CTDP1: variants seen among roughly 807,000 people sequenced by gnomAD.
CTDP1 encodes the protein RNA polymerase II subunit A C-terminal domain phosphatase.
A neutral mutation model predicts 91.8 loss-of-function variants in CTDP1; 47 were observed. The observed-to-expected ratio is 0.51, with a 90% CI of 0.41 to 0.65. CTDP1 has a LOEUF of 0.65. Among genes scored for constraint, CTDP1 ranks in the 30% least tolerant of loss-of-function variants. The pLI, the probability that CTDP1 is intolerant of heterozygous loss-of-function variation, is 0.00. For missense variants in CTDP1, 1,272 were observed against 1,373.7 expected, an observed-to-expected ratio of 0.93 and a Z score of 1.17; for synonymous variants, 656 against 598.5, an observed-to-expected ratio of 1.10 and a Z score of -1.40.
intron 1 of CTDP1, among the ~76,000 whole-genome samples, chr18:79,692,877 G>A (rs2085653550): frequency 6.6e-6 from 1 of 152,378 alleles, no homozygotes; most frequent in South Asian, 2.1e-4. Flanking sequence ...TGGAGACCAG[G>A]GAAGCCTGTT....
intron 11 of CTDP1, among the ~76,000 whole-genome samples, chr18:79,733,272 G>A (rs1003523353): frequency 6.6e-6 from 1 of 151,762 alleles, no homozygotes; most frequent in African/African-American, 2.4e-5. Flanking sequence ...CGCAGCCTCG[G>A]CACAGGACGG....
At chr18:79,686,476 G>T (rs2085496049) in intron 1 of CTDP1, among the ~76,000 whole-genome samples, 2 of 152,226 alleles carry the variant, frequency 1.3e-5, no homozygotes. Context: ...TTTCTTAAAG[G>T]ATAAATGCAC....
Position 79,696,010 on chromosome 18 carries a change from G to T in CTDP1, c.432G>T (p.Pro144=). ...GTAAGAACGGGAAGCAGCAGGTGCC[G>T]CTGTCCACGGCGACCGTGTCCATGG... The part of the protein sequence containing the change: ...LQSKNGKQQV[P]LSTATVSMVH... The change falls in exon 3 of 13, where the codon CCG becomes CCT. Residue 144 remains proline (P), a synonymous_variant. Transcript: ENST00000613122. 1 of 1,612,462 alleles carries T rather than the reference G, an allele frequency of 6.2e-7. No homozygotes were observed. Among genetic ancestry groups the T allele is most frequent in the Non-Finnish European group, 8.5e-7 (1 of 1,180,020 alleles).
At chr18:79,677,840 T>C (rs2085272025), upstream of CTDP1, 1 of 152,274 alleles carries the variant, frequency 6.6e-6, no homozygotes, top group African/African-American at 2.4e-5. Context: ...TTCTTCACCA[T>C]CCAGTGGTCT....
chr18:79,718,070 T>C, intron 10 of CTDP1, 54 bp downstream of exon 10: 1 of 1,595,760 alleles, frequency 6.3e-7, no homozygotes, highest in Non-Finnish European at 8.5e-7. Context: ...TCAAGCTTGC[T>C]GCTCCAGTCT....
In CTDP1 at chr18:79,714,862, A is replaced by G. The variant is rs1265480246; in HGVS notation, c.1402A>G (p.Lys468Glu). 5 of 1,587,028 alleles carry G rather than the reference A, an allele frequency of 3.2e-6. No individual in the cohort carries two copies. In the South Asian group the frequency reaches 4.6e-5, roughly 15 times the overall value. ...GAGCAGCAGTGAGTCCGAGGGCACG[A>G]AGTCCTCCTCCTCCGCCTCTGATGG... Reference protein sequence around the residue: ...SESSSESEGTKSSSSASDGES... With the variant: ...SESSSESEGTESSSSASDGES... The change falls in exon 8 of 13, where the codon AAG becomes GAG. Residue 468 changes from lysine to glutamate, a missense_variant. Physicochemically the swap from Lys to Glu is moderately conservative, Grantham distance 56. This residue lies in a region of CTDP1 where 881 missense variants were observed against 911.6 expected (regional missense o/e 0.97). Transcript: ENST00000613122.
At chr18:79,688,979 A>G (rs542963785) in intron 1 of CTDP1, among the ~76,000 whole-genome samples, 6 of 152,150 alleles carry the variant, frequency 3.9e-5, no homozygotes, top group Non-Finnish European at 8.8e-5. Context: ...GCACACGCAC[A>G]TTTTTCTGGA....
At chr18:79,690,289 G>C (rs1478905951) in intron 1 of CTDP1, among the ~76,000 whole-genome samples, 1 of 152,198 alleles carries the variant, frequency 6.6e-6, no homozygotes. Context: ...TGAGAGGCCA[G>C]AACCCCACAG....
At chr18:79,745,249 C>T (rs184045169) in intron 12 of CTDP1, among the ~76,000 whole-genome samples, 32 of 136,880 alleles carry the variant, frequency 2.3e-4, no homozygotes, top group African/African-American at 7.2e-4. Context: ...CCCTCCCATG[C>T]GCGTTCTGTC....
chr18:79,742,926 C>T (rs533514084), intron 12 of CTDP1, among the ~76,000 whole-genome samples: 24 of 152,262 alleles, frequency 1.6e-4, no homozygotes, highest in African/African-American at 5.5e-4. Context: ...ACTGCACTCC[C>T]GCCTGGGCCA....
At chr18:79,702,125 G>A (rs1451378401) in intron 4 of CTDP1, among the ~76,000 whole-genome samples, 3 of 152,208 alleles carry the variant, frequency 2.0e-5, no homozygotes, top group Admixed American at 2.0e-4. Flanking sequence ...TGGGTAAAAC[G>A]CTGTCAAACA....
At position 79,717,963 on chromosome 18, in the gene CTDP1, G is replaced by T. The variant is rs1310328732; in HGVS notation, c.2364G>T (p.Gly788=). The T allele has an allele frequency of 9.9e-6, 16 of 1,613,366 alleles. No homozygotes were observed. The highest frequency in any genetic ancestry group is 1.3e-5 in the Non-Finnish European group (15 of 1,179,964). ...AGCTCATCAGGACGGGCGCCCGGGGGCCCCCAGCACCCTCCAGCTCCCTAC... is the reference window on the plus strand; with the variant it reads ...AGCTCATCAGGACGGGCGCCCGGGGTCCCCCAGCACCCTCCAGCTCCCTAC... ...TGKLIRTGAR[G]PPAPSSSLPI... The change falls in exon 10 of 13, where the codon GGG becomes GGT. Residue 788 remains glycine, a synonymous_variant. Coordinates refer to ENST00000613122, the MANE Select transcript of CTDP1 (RefSeq NM_004715.5).
chr18:79,682,078 C>A (rs1006172551), intron 1 of CTDP1, among the ~76,000 whole-genome samples: 2 of 152,130 alleles, frequency 1.3e-5, no homozygotes, highest in Non-Finnish European at 2.9e-5. Context: ...CAGTTCTGGT[C>A]GTCTGTTTGG....
chr18:79,727,836 A>G (rs71367530), intron 10 of CTDP1, among the ~76,000 whole-genome samples: 2 of 152,264 alleles, frequency 1.3e-5, no homozygotes, highest in Non-Finnish European at 2.9e-5. Context: ...AGCTAGAAAC[A>G]GCCGCCTCTC....
intron 5 of CTDP1, among the ~76,000 whole-genome samples, chr18:79,706,431 G>A (rs897589126): frequency 6.6e-6 from 1 of 152,200 alleles, no homozygotes; most frequent in African/African-American, 2.4e-5. Context: ...CAGGGACAGT[G>A]ACGCCCACTC....
rs2086119463 is a variant in CTDP1, at chr18:79,713,222, C to T, written c.1030+84C>T. The T allele has an allele frequency of 7.4e-7, 1 of 1,348,056 alleles. No homozygotes were observed. The highest frequency in any genetic ancestry group is 2.5e-5 in the East Asian group (1 of 40,684). 83.5% of individuals were successfully genotyped at this position (1,348,056 alleles called of 1,614,324 possible). A position where few individuals can be genotyped will look rare whatever the true frequency, so the allele number is the denominator to read the frequency against. On this transcript the variant is annotated intron_variant, in intron 7 of 12. Transcript: ENST00000613122. The surrounding 1 kb of genome is among the most constrained non-coding windows in gnomAD (Gnocchi z 4.7). ...TTCTTATTTCTTATCTCTGTTTTGA[C>T]TGCTATAAATTCAAGATACACTTTT... is the stretch of plus-strand genomic sequence containing the variant.
intron 10 of CTDP1, among the ~76,000 whole-genome samples, chr18:79,723,599 A>G (rs2086388479): frequency 6.6e-6 from 1 of 152,010 alleles, no homozygotes; most frequent in East Asian, 1.9e-4. Flanking sequence ...ACTTTTTGAG[A>G]TATTTGTAGA....
chr18:79,706,555 T>A (rs2085970337), intron 5 of CTDP1, among the ~76,000 whole-genome samples: 1 of 151,858 alleles, frequency 6.6e-6, no homozygotes, highest in African/African-American at 2.4e-5. Context: ...CCCTATTCTC[T>A]GGTTTTTTTT....
At chr18:79,694,867 T>C (rs2085715542) in intron 1 of CTDP1, among the ~76,000 whole-genome samples, 2 of 152,366 alleles carry the variant, frequency 1.3e-5, no homozygotes, top group South Asian at 4.1e-4. Context: ...TTATAAATTC[T>C]CTAACGGAAA....
Sources: allele counts gnomAD v4.1 joint callset (sites outside exome capture counted in the v4.1 genomes callset), GRCh38; gene constraint gnomAD v4.1.1; regional missense constraint gnomAD v4.1.1; non-coding constraint Gnocchi (gnomAD v3.1); transcripts MANE v1.5; gene names NCBI Gene and HGNC (gene_info 2026-07-23, HGNC 2026-07-21).